The following ATP2B1 variants were observed in gnomAD, a reference collection of about 807,000 sequenced individuals.
ATP2B1 encodes plasma membrane calcium-transporting ATPase 1.
Under a neutral mutation model 124.2 loss-of-function variants are expected in ATP2B1, and 14 were observed. The ratio of observed to expected loss-of-function variants is 0.11; its 90% CI spans 0.07 to 0.18. The LOEUF is 0.18. ATP2B1 is among the 10% of genes least tolerant of loss of function. The pLI is 1.00. For synonymous variants in ATP2B1, 449 were observed against 492.4 expected, an observed-to-expected ratio of 0.91 and a Z score of 1.17; for missense variants, 763 against 1,466.1, an observed-to-expected ratio of 0.52 and a Z score of 7.83.
At chr12:89,655,619 T>G in intron 2 of ATP2B1, 60 bp downstream of exon 2, 1 of 1,498,284 alleles carries the variant, frequency 6.7e-7, no homozygotes, top group East Asian at 2.3e-5. Context: ...TGCTCATTTA[T>G]AAGCCAAATA....
In ATP2B1 at chr12:89,590,964, T is replaced by C; in HGVS notation, c.*20A>G. On this transcript the variant is annotated 3_prime_UTR_variant, in exon 21 of 21. Transcript: ENST00000428670. Reference sequence around the variant, plus strand: ...TTGTTTCTTTACAATGCAGCTAGTGTGTTAACATTCAGCTTACAATCAGAG... The same window carrying C: ...TTGTTTCTTTACAATGCAGCTAGTGCGTTAACATTCAGCTTACAATCAGAG... 1.9e-6 allele frequency: 3 copies of C among 1,600,300 alleles called. No individual in the cohort carries two copies. Among genetic ancestry groups the C allele is most frequent in the Non-Finnish European group, 1.7e-6 (2 of 1,169,932 alleles).
Position 89,588,901 on chromosome 12 carries a change from G to C in ATP2B1, c.*2083C>G, listed in dbSNP as rs1873076268. 6.6e-6 allele frequency: 1 copy of C among 152,494 alleles called. No homozygotes were observed. Among genetic ancestry groups the C allele is most frequent in the South Asian group, 2.1e-4 (1 of 4,830 alleles). The allele number at this position is 152,494 out of a possible 1,614,324, so 9.4% of individuals were successfully genotyped here. A position where few individuals can be genotyped will look rare whatever the true frequency, so the allele number is the denominator to read the frequency against. ...GTTGATAGGGTCAATTTTTAGAGTTGAAAGGGTTCTTCAAGATAGTCCACC... is the reference window on the plus strand; with the variant it reads ...GTTGATAGGGTCAATTTTTAGAGTTCAAAGGGTTCTTCAAGATAGTCCACC... On this transcript the variant is annotated 3_prime_UTR_variant, in exon 21 of 21. Coordinates refer to ENST00000428670, the MANE Select transcript of ATP2B1 (RefSeq NM_001366521.1).
At position 89,670,952 on chromosome 12, in the gene ATP2B1, TA is replaced by T. The variant is rs35401970; in HGVS notation, c.-221-14846del. The stretch of plus-strand genomic sequence containing the variant: ...GTATAACAGTTCAGGCCTTATACAT[TA>T]AAAAAAAAAAAAAGGGGTGGGGGGG... On this transcript the variant is annotated intron_variant, in intron 1 of 20. Transcript: ENST00000428670. Among the ~76,000 whole-genome samples the T allele has an allele frequency of 2.5e-3, 311 of 126,916 alleles. 1 individual carries two copies. The highest frequency in any genetic ancestry group is 8.5e-3 in the African/African-American group (285 of 33,594). The allele number at this position is 126,916 out of a possible 152,430, so 83.3% of individuals were successfully genotyped here.
At chr12:89,680,423 A>G (rs1485047775) in intron 1 of ATP2B1, among the ~76,000 whole-genome samples, 1 of 152,214 alleles carries the variant, frequency 6.6e-6, no homozygotes, top group African/African-American at 2.4e-5. Flanking sequence ...CAGGGAGGAA[A>G]TTGAAAGAAA....
chr12:89,659,931 C>CAAAAAAAAAAAAAAAAAA (rs545497005), intron 1 of ATP2B1, among the ~76,000 whole-genome samples: 4 of 127,834 alleles, frequency 3.1e-5, no homozygotes, highest in Admixed American at 1.6e-4. Context: ...AAAAAAAAAA[C>CAAAAAAAAAAAAAAAAAA]AAAAAAAAAC....
At chr12:89,685,700 T>C (rs535376568) in intron 1 of ATP2B1, among the ~76,000 whole-genome samples, 1 of 152,264 alleles carries the variant, frequency 6.6e-6, no homozygotes, top group South Asian at 2.1e-4. Context: ...CTTTGCTTTC[T>C]CTATTATGGA....
At chr12:89,708,237 G>A (rs548529976) in intron 1 of ATP2B1, among the ~76,000 whole-genome samples, 2 of 152,232 alleles carry the variant, frequency 1.3e-5, no homozygotes, top group African/African-American at 4.8e-5. Flanking sequence ...GGGGGCGACC[G>A]GTGGCGGGAT....
intron 2 of ATP2B1, among the ~76,000 whole-genome samples, chr12:89,645,193 A>T (rs1434940032): frequency 2.0e-5 from 3 of 152,346 alleles, no homozygotes; most frequent in Non-Finnish European, 4.4e-5. Context: ...CATAAATCAT[A>T]AACAGGGCAA....
chr12:89,686,460 G>A (rs144487847), intron 1 of ATP2B1, among the ~76,000 whole-genome samples: 99 of 152,026 alleles, frequency 6.5e-4, no homozygotes, highest in Non-Finnish European at 1.3e-3. Context: ...ATTTTACTTT[G>A]TAGTTAGAAT....
chr12:89,706,836 G>A (rs1892509668), intron 1 of ATP2B1, among the ~76,000 whole-genome samples: 3 of 152,098 alleles, frequency 2.0e-5, no homozygotes. Flanking sequence ...TATATGGTAG[G>A]AAATTAACAG....
intron 8 of ATP2B1, among the ~76,000 whole-genome samples, chr12:89,625,385 A>T (rs768499016): frequency 6.6e-6 from 1 of 152,032 alleles, no homozygotes; most frequent in African/African-American, 2.4e-5. Flanking sequence ...GGCATTTGAG[A>T]CCAGCCTGGC....
At chr12:89,675,744 G>A (rs1341100636) in intron 1 of ATP2B1, among the ~76,000 whole-genome samples, 4 of 152,054 alleles carry the variant, frequency 2.6e-5, no homozygotes, top group Non-Finnish European at 5.9e-5. Context: ...TGATAAAACA[G>A]GTAAGAGAGG....
chr12:89,630,869 C>T (rs1462349332), intron 5 of ATP2B1: 1 of 179,940 alleles, frequency 5.6e-6, no homozygotes, highest in African/African-American at 2.4e-5. Flanking sequence ...CAGCCTGGAT[C>T]TCCTGGGCTG....
chr12:89,603,698 C>T lies in ATP2B1; in HGVS notation c.2848+14G>A, dbSNP rs1396426015. ...AACAATTAACTGAAGCTTTATTAGA[C>T]ACTGAATTCTTACCAGCAAATAAGA... On this transcript the variant is annotated intron_variant, in intron 17 of 20. Transcript: ENST00000428670. This position sits in a 1 kb window ranked among gnomAD's most constrained non-coding sequence, Gnocchi z 4.3. 5 of 1,603,192 alleles carry T rather than the reference C, an allele frequency of 3.1e-6. No individual in the cohort carries two copies. Among genetic ancestry groups the T allele is most frequent in the Non-Finnish European group, 3.4e-6 (4 of 1,170,306 alleles).
intron 3 of ATP2B1, among the ~76,000 whole-genome samples, chr12:89,640,185 G>C (rs2136228202): frequency 6.6e-6 from 1 of 152,242 alleles, no homozygotes; most frequent in East Asian, 1.9e-4. Context: ...GATTTCCAGT[G>C]AATATTATTT....
chr12:89,610,397 G>A, intron 14 of ATP2B1, 24 bp downstream of exon 14: 1 of 1,586,006 alleles, frequency 6.3e-7, no homozygotes, highest in Non-Finnish European at 8.7e-7. Context: ...AAGAAATTGT[G>A]AAATAACTGA....
chr12:89,637,008 G>C (rs545559656), intron 3 of ATP2B1, among the ~76,000 whole-genome samples: 2 of 152,312 alleles, frequency 1.3e-5, no homozygotes, highest in East Asian at 1.9e-4. Flanking sequence ...CTCTGAATTA[G>C]AGCAACTCTG....
Position 89,625,982 on chromosome 12 carries a change from A to T in ATP2B1, c.1129+472T>A, listed in dbSNP as rs1226166934. On this transcript the variant is annotated intron_variant, in intron 8 of 20. Coordinates refer to ENST00000428670, the MANE Select transcript of ATP2B1 (RefSeq NM_001366521.1). The stretch of plus-strand genomic sequence containing the variant: ...GCTTTTTCCCTTAAAGAATGGCTGT[A>T]TTAACAGGTATTTTCTAGTGATGGC... 5.9e-5 allele frequency among the ~76,000 whole-genome samples: 9 copies of T among 152,346 alleles called. No homozygotes were observed. The East Asian group carries it at 1.7e-3, about 29-fold the overall frequency.
chr12:89,649,896 G>GTTTTT (rs1565871030), intron 2 of ATP2B1, among the ~76,000 whole-genome samples: 1 of 152,130 alleles, frequency 6.6e-6, no homozygotes, highest in Admixed American at 6.5e-5. Flanking sequence ...AGATCTGGCT[G>GTTTTT]TTTAAAAGAG....
Sources: gnomAD v4.1 joint callset for allele counts (sites outside exome capture counted in the v4.1 genomes callset) on GRCh38, gnomAD v4.1.1 for gene constraint, Gnocchi (gnomAD v3.1) non-coding constraint, MANE v1.5 for transcripts, NCBI Gene and HGNC (gene_info 2026-07-23, HGNC 2026-07-21) for gene names.